Variants in FAM168B observed in about 807,000 individuals in gnomAD.
FAM168B encodes myelin-associated neurite-outgrowth inhibitor.
Under a neutral mutation model 21.8 loss-of-function variants are expected in FAM168B, and 19 were observed. The observed-to-expected ratio is 0.87, with a 90% CI of 0.61 to 1.28. The LOEUF (loss-of-function observed/expected upper bound fraction) is 1.28, where lower values mean the gene tolerates loss of function less well. FAM168B is among the 50% of genes most tolerant of loss of function. The pLI is 0.00. For missense variants in FAM168B, 233 were observed against 263.1 expected, an observed-to-expected ratio of 0.89 and a Z score of 0.79; for synonymous variants, 126 against 104.8, an observed-to-expected ratio of 1.20 and a Z score of -1.24.
At chr2:131,088,501 G>A (rs963833380) in intron 1 of FAM168B, among the ~76,000 whole-genome samples, 1 of 152,084 alleles carries the variant, frequency 6.6e-6, no homozygotes, top group Non-Finnish European at 1.5e-5. Context: ...AATTTTGTTT[G>A]GACTCGATTT....
chr2:131,063,628 T>G (rs767032025), intron 3 of FAM168B, among the ~76,000 whole-genome samples: 3 of 152,012 alleles, frequency 2.0e-5, no homozygotes, highest in Non-Finnish European at 2.9e-5. Context: ...AAATAAAAAT[T>G]AGCAAGGCAT....
At chr2:131,062,324 T>C (rs983591895) in intron 3 of FAM168B, among the ~76,000 whole-genome samples, 1 of 152,236 alleles carries the variant, frequency 6.6e-6, no homozygotes, top group African/African-American at 2.4e-5. Flanking sequence ...TCATGCCTCA[T>C]TTCCTTAGGA....
chr2:131,057,867 A>G (rs1255168454), intron 3 of FAM168B, among the ~76,000 whole-genome samples: 1 of 151,676 alleles, frequency 6.6e-6, no homozygotes, highest in Non-Finnish European at 1.5e-5. Flanking sequence ...GTCTTGCTCT[A>G]TTCCCTAGGC....
At chr2:131,060,303 C>T (rs927978011) in intron 3 of FAM168B, among the ~76,000 whole-genome samples, 3 of 152,160 alleles carry the variant, frequency 2.0e-5, no homozygotes, top group South Asian at 2.1e-4. Context: ...GGATTACAAG[C>T]GTGAGCCACC....
intron 2 of FAM168B, among the ~76,000 whole-genome samples, chr2:131,081,497 G>T (rs921621180): frequency 3.9e-5 from 6 of 152,204 alleles, no homozygotes; most frequent in African/African-American, 1.4e-4. Flanking sequence ...ATACAAGCTA[G>T]AGCCCCAAAC....
chr2:131,059,845 A>G (rs572597827), intron 3 of FAM168B, among the ~76,000 whole-genome samples: 1 of 152,366 alleles, frequency 6.6e-6, no homozygotes, highest in South Asian at 2.1e-4. Flanking sequence ...TTTAAAGATA[A>G]TATTTAAAAA....
Position 131,048,359 on chromosome 2 carries a change from G to C in FAM168B, c.*4106C>G, listed in dbSNP as rs1573729456. ...TGGGCACAGCCTGTGGTGAGGAGGA[G>C]ACACCTGTCATGCCAGTCCTGGGAG... On this transcript the variant is annotated 3_prime_UTR_variant, in exon 7 of 7. Transcript: ENST00000389915. 2 of 1,297,300 alleles carry C rather than the reference G, an allele frequency of 1.5e-6. No individual in the cohort carries two copies. The highest frequency in any genetic ancestry group is 2.0e-6 in the Non-Finnish European group (2 of 983,544). 80.4% of individuals were successfully genotyped at this position (1,297,300 alleles called of 1,614,324 possible). A position where few individuals can be genotyped will look rare whatever the true frequency, so the allele number is the denominator to read the frequency against.
In FAM168B at chr2:131,089,375, A is replaced by G. The variant is rs373937946; in HGVS notation, c.-12+3839T>C. ...GACAAATGTCAGATTACCTTTAAAA[A>G]GATGACAGCAAAAATTCCTAACTTG... On this transcript the variant is annotated intron_variant, in intron 1 of 6. Transcript: ENST00000389915. 4.6e-5 allele frequency among the ~76,000 whole-genome samples: 7 copies of G among 152,330 alleles called. No individual in the cohort carries two copies. In the East Asian group the frequency reaches 1.3e-3, roughly 29 times the overall value.
intron 6 of FAM168B, 133 bp from the exon 7 acceptor site, chr2:131,052,585 C>T (rs773458816): frequency 1.4e-5 from 11 of 776,794 alleles, no homozygotes; most frequent in Non-Finnish European, 1.8e-5. Flanking sequence ...CTGGTTCTCA[C>T]TTCCTTCCTA....
intron 1 of FAM168B, among the ~76,000 whole-genome samples, chr2:131,088,065 G>T (rs970058396): frequency 5.9e-5 from 9 of 152,112 alleles, no homozygotes; most frequent in African/African-American, 1.9e-4. Flanking sequence ...GGGCAACATG[G>T]TGAAACCCAG....
At chr2:131,076,474 C>T (rs1231057701) in intron 2 of FAM168B, among the ~76,000 whole-genome samples, 1 of 151,690 alleles carries the variant, frequency 6.6e-6, no homozygotes, top group Non-Finnish European at 1.5e-5. Context: ...ACGATGAAAC[C>T]CCATCTCTAA....
intron 2 of FAM168B, among the ~76,000 whole-genome samples, chr2:131,075,141 G>C (rs894674385): frequency 6.6e-6 from 1 of 152,004 alleles, no homozygotes; most frequent in South Asian, 2.1e-4. Flanking sequence ...GAAAGACCAG[G>C]ACAGCAGTTC....
At chr2:131,064,997 T>C (rs1463840835) in intron 3 of FAM168B, among the ~76,000 whole-genome samples, 1 of 152,132 alleles carries the variant, frequency 6.6e-6, no homozygotes, top group Admixed American at 6.6e-5. Context: ...CAGAAGAAAC[T>C]GCAACAGGGC....
rs144796182 is a variant in FAM168B, at chr2:131,057,121, G to A, written c.155-1426C>T. Among the ~76,000 whole-genome samples the A allele has an allele frequency of 2.0e-3, 299 of 152,284 alleles. 1 individual carries two copies. The highest frequency in any genetic ancestry group is 6.8e-3 in the Middle Eastern group (2 of 294). On this transcript the variant is annotated intron_variant, in intron 3 of 6. Coordinates refer to ENST00000389915, the MANE Select transcript of FAM168B (RefSeq NM_001009993.4). ...GGGGTGGAGCACTCACACACTGTCC[G>A]TGTCAGACAGTGCAACTTTGCAAGC...
intron 1 of FAM168B, among the ~76,000 whole-genome samples, chr2:131,086,782 A>ATAGTGTTCTGAGGGCTGAGAGGGGAG (rs1573822542): frequency 4.1e-5 from 6 of 147,540 alleles, no homozygotes; most frequent in South Asian, 2.1e-4. Context: ...TCACAAGAGA[A>ATAGTGTTCTGAGGGCTGAGAGGGGAG]AGGCCGGGCG....
At chr2:131,059,607 T>G (rs190335012) in intron 3 of FAM168B, among the ~76,000 whole-genome samples, 1 of 152,178 alleles carries the variant, frequency 6.6e-6, no homozygotes, top group Non-Finnish European at 1.5e-5. Context: ...TGTCAAAACA[T>G]AGAGCTACCC....
In FAM168B at chr2:131,051,564, TCACATTTCTTC is replaced by T; in HGVS notation, c.*890_*900del. The T allele has an allele frequency of 1.0e-6, 1 of 985,408 alleles. No homozygotes were observed. The highest frequency in any genetic ancestry group is 1.2e-6 in the Non-Finnish European group (1 of 829,924). 61.0% of individuals were successfully genotyped at this position (985,408 alleles called of 1,614,324 possible). A position where few individuals can be genotyped will look rare whatever the true frequency, so the allele number is the denominator to read the frequency against. ...TCCTGCAAGCATGGCTGTTTCTCTT[TCACATTTCTTC>T]CATCCCAGGAAAATAATTTAGTTTT... On this transcript the variant is annotated 3_prime_UTR_variant, in exon 7 of 7. Transcript: ENST00000389915.
chr2:131,086,477 T>C (rs190653090), intron 1 of FAM168B, among the ~76,000 whole-genome samples: 66 of 152,220 alleles, frequency 4.3e-4, no homozygotes, highest in Admixed American at 1.2e-3. Context: ...CTGGATGCGG[T>C]GGTGCACACC....
rs1693476240 is a variant in FAM168B, at chr2:131,082,603, G to A, written c.44C>T (p.Ala15Val). ...TGGATAACCAATTCCTTTGGCATTT[G>A]CATAGGGAACCCCAGAAGATCCAGG... ...YSPGSSGVPY[A>V]NAKGIGYPAG... The change falls in exon 2 of 7, where the codon GCA (alanine) becomes GTA (valine). Residue 15 changes from alanine to valine, a missense_variant. By Grantham distance (64) the Ala-to-Val change is moderately conservative. Transcript: ENST00000389915. 3 of 1,609,360 alleles carry A rather than the reference G, an allele frequency of 1.9e-6. No individual in the cohort carries two copies. In the East Asian group the frequency reaches 6.7e-5, roughly 36 times the overall value.
Sources: allele counts gnomAD v4.1 joint callset (sites outside exome capture counted in the v4.1 genomes callset), GRCh38; gene constraint gnomAD v4.1.1; transcripts MANE v1.5; gene names NCBI Gene and HGNC (gene_info 2026-07-23, HGNC 2026-07-21).